Variants in RBFOX1 observed in about 807,000 individuals in gnomAD.
RBFOX1 encodes the protein RNA binding protein fox-1 homolog 1.
RBFOX1 carries 8 observed loss-of-function variants against 57.7 expected under a neutral mutation model. The ratio of observed to expected loss-of-function variants is 0.14; its 90% CI spans 0.08 to 0.25. The LOEUF (loss-of-function observed/expected upper bound fraction) is 0.25, where lower values mean the gene tolerates loss of function less well. Ranked by LOEUF, RBFOX1 falls within the 10% of genes least tolerant of loss-of-function variation. The pLI, the probability that RBFOX1 is intolerant of heterozygous loss-of-function variation, is 1.00. For missense variants in RBFOX1, 611 were observed against 548.5 expected (o/e 1.11, Z -1.14); for synonymous variants, 326 against 222.4 (o/e 1.47, Z -4.15).
chr16:7,696,224 G>C (rs766094712), intron 14 of RBFOX1, among the ~76,000 whole-genome samples: 1 of 152,056 alleles, frequency 6.6e-6, no homozygotes, highest in African/African-American at 2.4e-5. Context: ...TTTTGTTTTG[G>C]TTTTTCCCAA....
chr16:7,387,486 T>G (rs2097904151), intron 4 of RBFOX1, among the ~76,000 whole-genome samples: 1 of 152,180 alleles, frequency 6.6e-6, no homozygotes, highest in Non-Finnish European at 1.5e-5. Context: ...CTGTCAGGAT[T>G]GTATCTCCCT....
chr16:5,315,633 T>A (rs564395625), intron 1 of RBFOX1, among the ~76,000 whole-genome samples: 34 of 152,312 alleles, frequency 2.2e-4, no homozygotes, highest in African/African-American at 7.9e-4. Flanking sequence ...GTTTGTCACG[T>A]ACAGAAAGTG....
intron 3 of RBFOX1, among the ~76,000 whole-genome samples, chr16:5,753,771 C>A (rs983449875): frequency 1.4e-4 from 22 of 152,168 alleles, no homozygotes; most frequent in African/African-American, 5.1e-4. Context: ...TGTATAGGAG[C>A]CTCCCCTCTT....
At chr16:7,145,217 G>A (rs935733025) in intron 4 of RBFOX1, among the ~76,000 whole-genome samples, 5 of 151,746 alleles carry the variant, frequency 3.3e-5, no homozygotes, top group African/African-American at 9.7e-5. Flanking sequence ...TTTGTTTTTT[G>A]TTTTTGAGAT....
At chr16:6,442,760 G>A (rs1597317056) in intron 2 of RBFOX1, among the ~76,000 whole-genome samples, 1 of 152,084 alleles carries the variant, frequency 6.6e-6, no homozygotes, top group Non-Finnish European at 1.5e-5. Flanking sequence ...GAAAGACAGC[G>A]TCCCCTTCTC....
chr16:7,292,223 G>GAT (rs1465064057), intron 4 of RBFOX1, among the ~76,000 whole-genome samples: 4 of 116,034 alleles, frequency 3.4e-5, no homozygotes, highest in South Asian at 2.5e-4. Flanking sequence ...TATGATATAT[G>GAT]ATATAGAACG....
chr16:7,610,794 C>G (rs2057332979), intron 10 of RBFOX1, among the ~76,000 whole-genome samples: 1 of 152,198 alleles, frequency 6.6e-6, no homozygotes. Context: ...TGGAATGGAC[C>G]TATGCAAAGC....
intron 3 of RBFOX1, among the ~76,000 whole-genome samples, chr16:6,745,056 C>A (rs934430450): frequency 6.6e-6 from 1 of 151,904 alleles, no homozygotes; most frequent in African/African-American, 2.4e-5. Flanking sequence ...TATGAACAAC[C>A]TTATTTTATG....
intron 4 of RBFOX1, among the ~76,000 whole-genome samples, chr16:5,956,678 A>ATATATATATATATATTTTTTTT (rs368096576): frequency 2.4e-4 from 28 of 116,472 alleles, no homozygotes; most frequent in Non-Finnish European, 4.0e-4. Flanking sequence ...ATATATATAT[A>ATATATATATATATATTTTTTTT]TTTTTTTTGA....
chr16:5,929,750 A>G (rs1185900625), intron 4 of RBFOX1, among the ~76,000 whole-genome samples: 1 of 152,168 alleles, frequency 6.6e-6, no homozygotes, highest in Non-Finnish European at 1.5e-5. Context: ...ATTTACACAC[A>G]TGCATACCTA....
chr16:6,873,286 T>C (rs1204586627), intron 3 of RBFOX1, among the ~76,000 whole-genome samples: 1 of 152,180 alleles, frequency 6.6e-6, no homozygotes, highest in Non-Finnish European at 1.5e-5. Flanking sequence ...TCCCAAAGCA[T>C]AACTCTTTTA....
chr16:7,643,019 C>G (rs1417751351), intron 11 of RBFOX1, among the ~76,000 whole-genome samples: 1 of 152,190 alleles, frequency 6.6e-6, no homozygotes, highest in Non-Finnish European at 1.5e-5. Context: ...CATTTAGCAG[C>G]CATGACATTT....
chr16:7,207,833 A>G (rs1260186197), intron 4 of RBFOX1, among the ~76,000 whole-genome samples: 1 of 152,186 alleles, frequency 6.6e-6, no homozygotes, highest in African/African-American at 2.4e-5. Context: ...ATCTATCACC[A>G]GAGAATATCT....
intron 4 of RBFOX1, among the ~76,000 whole-genome samples, chr16:7,446,747 G>A (rs928297389): frequency 1.4e-5 from 2 of 143,924 alleles, no homozygotes; most frequent in Non-Finnish European, 3.0e-5. Context: ...ACCCTCCACT[G>A]TCAACTTAAG....
Position 6,906,837 on chromosome 16 carries a change from C to G in RBFOX1, c.-15-145220C>G, listed in dbSNP as rs573494637. 5.4e-4 allele frequency among the ~76,000 whole-genome samples: 82 copies of G among 151,996 alleles called. No homozygotes were observed. In the South Asian group the frequency reaches 1.0e-2, roughly 18 times the overall value. Reference sequence around the variant, plus strand: ...TCCTGGGTTCAAGCAATTCTCCTGCCTCAGCCTCCTGAGTAGCTGAGATTA... The same window carrying G: ...TCCTGGGTTCAAGCAATTCTCCTGCGTCAGCCTCCTGAGTAGCTGAGATTA... On this transcript the variant is annotated intron_variant, in intron 3 of 15. Transcript: ENST00000550418.
intron 3 of RBFOX1, among the ~76,000 whole-genome samples, chr16:6,766,504 A>G (rs1316336622): frequency 1.3e-5 from 2 of 151,724 alleles, no homozygotes; most frequent in African/African-American, 2.4e-5. Flanking sequence ...GAATGAGAAA[A>G]TATTCCGGAA....
chr16:6,248,394 A>G (rs957620026), intron 1 of RBFOX1, among the ~76,000 whole-genome samples: 2 of 152,160 alleles, frequency 1.3e-5, no homozygotes, highest in Non-Finnish European at 2.9e-5. Context: ...TACTCTTTGG[A>G]CAGTGTTGTG....
At chr16:5,250,262 T>C (rs902217626) in intron 1 of RBFOX1, among the ~76,000 whole-genome samples, 6 of 152,190 alleles carry the variant, frequency 3.9e-5, no homozygotes, top group Non-Finnish European at 7.3e-5. Context: ...CATCTTTTTC[T>C]TTTCTTTTTA....
At position 5,828,544 on chromosome 16, in the gene RBFOX1, A is replaced by G. The variant is rs557843778; in HGVS notation, c.319-38759A>G. Among the ~76,000 whole-genome samples, 5 of 152,292 alleles carry G rather than the reference A, an allele frequency of 3.3e-5. No homozygotes were observed. The East Asian group carries it at 5.8e-4, about 18-fold the overall frequency. ...GAAACCCCATCTCTACTAAAAATAC[A>G]AAAGATTAGCTGGGCGTGGTGGTGC... On this transcript the variant is annotated intron_variant, in intron 3 of 19. Coordinates refer to the RBFOX1 transcript ENST00000641259.
Sources: gnomAD v4.1 joint callset for allele counts (sites outside exome capture counted in the v4.1 genomes callset) on GRCh38, gnomAD v4.1.1 for gene constraint, MANE v1.5 for transcripts, NCBI Gene and HGNC (gene_info 2026-07-23, HGNC 2026-07-21) for gene names.